The following SLC22A24 variants were observed in gnomAD, a reference collection of about 807,000 sequenced individuals.
The protein encoded by SLC22A24 is steroid transmembrane transporter SLC22A24.
Under a neutral mutation model 49.8 loss-of-function variants are expected in SLC22A24, and 53 were observed. The observed-to-expected ratio is 1.06, with a 90% CI of 0.85 to 1.34. SLC22A24 has a LOEUF of 1.34. SLC22A24 is among the 40% of genes most tolerant of loss of function. SLC22A24 has a pLI of 0.00. For synonymous variants in SLC22A24, 302 were observed against 256.4 expected (o/e 1.18, Z -1.70); for missense variants, 786 against 675.9 (o/e 1.16, Z -1.81).
chr11:63,127,083 G>A (rs757369069), intron 2 of SLC22A24, among the ~76,000 whole-genome samples: 2 of 152,044 alleles, frequency 1.3e-5, no homozygotes, highest in South Asian at 2.1e-4. Flanking sequence ...CACCCATCAA[G>A]TCGTCATTTA....
chr11:63,113,620 C>T (rs1034384337), intron 4 of SLC22A24, among the ~76,000 whole-genome samples: 2 of 152,018 alleles, frequency 1.3e-5, no homozygotes, highest in South Asian at 2.1e-4. Context: ...CTTTGGGAGG[C>T]CGAGGTGGGC....
At chr11:63,124,000 C>G (rs2087270703) in intron 2 of SLC22A24, among the ~76,000 whole-genome samples, 1 of 151,962 alleles carries the variant, frequency 6.6e-6, no homozygotes, top group Non-Finnish European at 1.5e-5. Flanking sequence ...AAGGCACCAC[C>G]AGATAGGAGT....
At chr11:63,136,900 G>A (rs1195573361) in intron 1 of SLC22A24, among the ~76,000 whole-genome samples, 2 of 152,182 alleles carry the variant, frequency 1.3e-5, no homozygotes, top group Non-Finnish European at 2.9e-5. Flanking sequence ...AATTGCAATG[G>A]AGACATAGTC....
At chr11:63,137,771 T>C (rs1286267270) in intron 1 of SLC22A24, 1 of 152,194 alleles carries the variant, frequency 6.6e-6, no homozygotes, top group Non-Finnish European at 1.5e-5. Flanking sequence ...TAAAGTGGCA[T>C]GAACCCCACA....
chr11:63,123,827 C>A (rs1318150623), intron 2 of SLC22A24, among the ~76,000 whole-genome samples: 1 of 152,128 alleles, frequency 6.6e-6, no homozygotes, highest in Non-Finnish European at 1.5e-5. Flanking sequence ...CCCTTGATAT[C>A]CCTTTAATTT....
At chr11:63,124,961 G>A (rs1294895451) in intron 2 of SLC22A24, among the ~76,000 whole-genome samples, 1 of 151,666 alleles carries the variant, frequency 6.6e-6, no homozygotes, top group African/African-American at 2.4e-5. Flanking sequence ...TGCGGGGTGG[G>A]GGGAGTGGGG....
chr11:63,102,508 C>CAAAAATAAA (rs1475901799), intron 5 of SLC22A24, among the ~76,000 whole-genome samples: 1 of 152,054 alleles, frequency 6.6e-6, no homozygotes, highest in Non-Finnish European at 1.5e-5. Flanking sequence ...TTTTGTCTAA[C>CAAAAATAAA]AAAAATAAAC....
intron 4 of SLC22A24, chr11:63,118,584 C>A (rs1244836038): frequency 3.8e-6 from 2 of 524,312 alleles, no homozygotes; most frequent in South Asian, 3.0e-5. Context: ...GTTACAATGA[C>A]AAAAGCCCCC....
At chr11:63,138,015 A>G (rs2087387714) in intron 1 of SLC22A24, 1 of 152,846 alleles carries the variant, frequency 6.5e-6, no homozygotes, top group Admixed American at 6.5e-5. Flanking sequence ...AGGCTGTAGC[A>G]TATCTGGTAT....
chr11:63,118,922 A>C lies in SLC22A24; in HGVS notation c.820T>G (p.Leu274Val). The C allele has an allele frequency of 6.4e-7, 1 of 1,552,104 alleles. No homozygotes were observed. Among genetic ancestry groups the C allele is most frequent in the Non-Finnish European group, 8.7e-7 (1 of 1,147,054 alleles). ...TVSTPIIVLF[L>V]SSWKMVESAR... ...GGAGATTGTTCATACCAAGAGGACAAGAAGAGGACAATTATGGGTGTAGAC... is the reference window on the plus strand; with the variant it reads ...GGAGATTGTTCATACCAAGAGGACACGAAGAGGACAATTATGGGTGTAGAC... The change falls in exon 4 of 10, where the codon TTG (leucine) becomes GTG (valine). Residue 274 changes from leucine (L) to valine (V), a missense_variant. Transcript: ENST00000612278.
intron 7 of SLC22A24, 55 bp downstream of exon 7, chr11:63,083,188 A>G (rs2086969211): frequency 7.1e-7 from 1 of 1,410,818 alleles, no homozygotes. Context: ...GACCAATGTA[A>G]TCCCTGGAGA....
chr11:63,117,492 G>A (rs2087219937), intron 4 of SLC22A24, among the ~76,000 whole-genome samples: 1 of 152,122 alleles, frequency 6.6e-6, no homozygotes, highest in Non-Finnish European at 1.5e-5. Context: ...AGATCATCCA[G>A]AGGTGAGAGC....
intron 8 of SLC22A24, 133 bp downstream of exon 8, chr11:63,081,425 C>T (rs1012419008): frequency 1.4e-6 from 1 of 695,580 alleles, no homozygotes; most frequent in Non-Finnish European, 2.5e-6. Flanking sequence ...ATATATGGCT[C>T]TCAGTTACTC....
At chr11:63,103,294 A>C (rs1385972272) in intron 5 of SLC22A24, among the ~76,000 whole-genome samples, 4 of 152,118 alleles carry the variant, frequency 2.6e-5, no homozygotes, top group Non-Finnish European at 4.4e-5. Flanking sequence ...CCTTTTTACC[A>C]GCTAACTCCT....
At chr11:63,092,408 T>C (rs893441555) in intron 6 of SLC22A24, among the ~76,000 whole-genome samples, 1 of 147,862 alleles carries the variant, frequency 6.8e-6, no homozygotes, top group African/African-American at 2.5e-5. Context: ...CTAGTTCAAA[T>C]TTCAAATGGA....
intron 6 of SLC22A24, among the ~76,000 whole-genome samples, chr11:63,087,861 T>A (rs1449135958): frequency 6.6e-6 from 1 of 152,138 alleles, no homozygotes; most frequent in African/African-American, 2.4e-5. Flanking sequence ...TTCTCTAGAT[T>A]TCTCCTCACC....
At position 63,105,807 on chromosome 11, in the gene SLC22A24, T is replaced by A. The variant is rs116960198; in HGVS notation, c.831-1509A>T. ...TTTGGCTCCTCATTACTTATGCAAG[T>A]TTCTGCAGCAGGCTTGAATTTCTCC... On this transcript the variant is annotated intron_variant, in intron 4 of 9. Coordinates refer to ENST00000612278, the MANE Select transcript of SLC22A24 (RefSeq NM_001136506.2). 8.5e-3 allele frequency among the ~76,000 whole-genome samples: 1,295 copies of A among 152,292 alleles called. 12 individuals are homozygous for A. Among genetic ancestry groups the A allele is most frequent in the Non-Finnish European group, 0.012 (846 of 68,016 alleles).
At chr11:63,082,499 T>C (rs2086965858) in intron 7 of SLC22A24, among the ~76,000 whole-genome samples, 1 of 152,214 alleles carries the variant, frequency 6.6e-6, no homozygotes, top group South Asian at 2.1e-4. Flanking sequence ...ATGAGTGGAA[T>C]ATAGTGACCA....
intron 6 of SLC22A24, among the ~76,000 whole-genome samples, 178 bp downstream of exon 6, chr11:63,095,813 G>C (rs1590731947): frequency 6.6e-6 from 1 of 152,190 alleles, no homozygotes; most frequent in African/African-American, 2.4e-5. Context: ...AGGTCCCACT[G>C]TCCTGTCATA....
Sources: allele counts gnomAD v4.1 joint callset (sites outside exome capture counted in the v4.1 genomes callset), GRCh38; gene constraint gnomAD v4.1.1; transcripts MANE v1.5; gene names NCBI Gene and HGNC (gene_info 2026-07-23, HGNC 2026-07-21).